Variants in CRISP1 observed in about 807,000 individuals in gnomAD.
CRISP1 encodes the protein cysteine rich secretory protein 1.
CRISP1 carries 44 observed loss-of-function variants against 33.1 expected under a neutral mutation model. The observed-to-expected ratio is 1.33, with a 90% CI of 1.05 to 1.71. The LOEUF is 1.71. Among genes scored for constraint, CRISP1 ranks in the 40% most tolerant of loss-of-function variants. The pLI is 0.00. For synonymous variants in CRISP1, 103 were observed against 98.7 expected (o/e 1.04, Z -0.26); for missense variants, 390 against 301.2 (o/e 1.29, Z -2.18).
chr6:49,874,719 C>T (rs1351668256), intron 1 of CRISP1, among the ~76,000 whole-genome samples: 2 of 151,994 alleles, frequency 1.3e-5, no homozygotes, highest in South Asian at 2.1e-4. Flanking sequence ...GATCAAGCTG[C>T]CTTCGTCTCC....
In CRISP1 at chr6:49,849,747, T is replaced by A. The variant is rs377120442; in HGVS notation, c.196-1448A>T. 8.5e-5 allele frequency among the ~76,000 whole-genome samples: 13 copies of A among 152,268 alleles called. No individual in the cohort carries two copies. The East Asian group carries it at 2.5e-3, about 29-fold the overall frequency. On this transcript the variant is annotated intron_variant, in intron 3 of 7. Coordinates refer to ENST00000335847, the MANE Select transcript of CRISP1 (RefSeq NM_001131.3). ...ATGTAGTTTAATTATAATATGTATT[T>A]GCTGCCATCTTGTGGTCAATGTTTA...
At chr6:49,868,066 G>A (rs1352514576), upstream of CRISP1, among the ~76,000 whole-genome samples, 1 of 152,048 alleles carries the variant, frequency 6.6e-6, no homozygotes, top group African/African-American at 2.4e-5. Context: ...TTATCTGTTG[G>A]TCCTGGCAAT....
At chr6:49,840,041 A>C (rs1162977438) in intron 6 of CRISP1, among the ~76,000 whole-genome samples, 2 of 152,228 alleles carry the variant, frequency 1.3e-5, no homozygotes, top group African/African-American at 4.8e-5. Context: ...GGAAAGACTT[A>C]TGTGTTAATC....
chr6:49,872,962 A>T (rs1171295311), intron 1 of CRISP1, among the ~76,000 whole-genome samples: 1 of 152,124 alleles, frequency 6.6e-6, no homozygotes, highest in South Asian at 2.1e-4. Flanking sequence ...CTTGATGGGG[A>T]TGGCATTGAA....
chr6:49,855,357 A>T (rs1771466116), intron 2 of CRISP1, among the ~76,000 whole-genome samples: 1 of 152,166 alleles, frequency 6.6e-6, no homozygotes, highest in Admixed American at 6.5e-5. Flanking sequence ...ACCATTCATA[A>T]AAAGAGGAAC....
Position 49,835,338 on chromosome 6 carries a change from A to T in CRISP1, c.728T>A (p.Leu243Gln). Residue 243 changes from leucine to glutamine, a missense_variant, in exon 8 of 8, where the codon CTG becomes CAG. Leu to Gln is a moderately radical substitution (Grantham distance 113). Transcript: ENST00000335847. Reference sequence around the variant, plus strand: ...GACCTATTTTATCTCAGTGTCACACAGACAAGTGGCTTTACAGAATAGGAT... The same window carrying T: ...GACCTATTTTATCTCAGTGTCACACTGACAAGTGGCTTTACAGAATAGGAT... ...TTILFCKATC[L>Q]CDTEIK 6.2e-7 allele frequency: 1 copy of T among 1,613,874 alleles called. No individual in the cohort carries two copies. The highest frequency in any genetic ancestry group is 1.7e-4 in the Middle Eastern group (1 of 6,058).
At chr6:49,846,060 C>T (rs921157541) in intron 5 of CRISP1, among the ~76,000 whole-genome samples, 2 of 152,062 alleles carry the variant, frequency 1.3e-5, no homozygotes, top group African/African-American at 4.8e-5. Context: ...CTGGCGATGG[C>T]GTTGCACAAC....
chr6:49,838,871 C>T (rs1770891769), intron 6 of CRISP1, among the ~76,000 whole-genome samples: 1 of 152,106 alleles, frequency 6.6e-6, no homozygotes, highest in Non-Finnish European at 1.5e-5. Flanking sequence ...GAACATTCTT[C>T]ATTAATACCT....
At chr6:49,855,460 A>G (rs968369842) in intron 2 of CRISP1, among the ~76,000 whole-genome samples, 7 of 141,740 alleles carry the variant, frequency 4.9e-5, no homozygotes, top group South Asian at 4.4e-4. Flanking sequence ...TTTTTTGGTT[A>G]TCTGAATGTG....
chr6:49,842,727 A>G (rs1463521647), intron 5 of CRISP1, among the ~76,000 whole-genome samples: 1 of 152,132 alleles, frequency 6.6e-6, no homozygotes, highest in Non-Finnish European at 1.5e-5. Context: ...TTAGAACATT[A>G]GGTGAAATGA....
In CRISP1 at chr6:49,857,409, G is replaced by T; in HGVS notation, c.-2-7C>A. ...AGGTGTTTAATTTCCATCCCTGAAA[G>T]AAAAATAACACAATTTTAGATTATT... On this transcript the variant is annotated splice_polypyrimidine_tract_variant and splice_region_variant and intron_variant, in intron 1 of 7. Coordinates refer to ENST00000335847, the MANE Select transcript of CRISP1 (RefSeq NM_001131.3). 6.2e-7 allele frequency: 1 copy of T among 1,610,650 alleles called. No homozygotes were observed. The highest frequency in any genetic ancestry group is 1.1e-5 in the South Asian group (1 of 90,940).
At chr6:49,865,650 A>C (rs1416817871) in intron 1 of CRISP1, among the ~76,000 whole-genome samples, 1 of 152,168 alleles carries the variant, frequency 6.6e-6, no homozygotes, top group Non-Finnish European at 1.5e-5. Flanking sequence ...AATAATTCAG[A>C]GAGTACAAAG....
Position 49,840,987 on chromosome 6 carries a change from CCAAA to C in CRISP1, c.440_443del (p.Val147GlyfsTer6), listed in dbSNP as rs1770968799. The stretch of plus-strand genomic sequence containing the variant: ...CACAGCCAATCAGGTAAGATGTGGC[CCAAA>C]CAATCTGCAATGATAAAGAGTTGTT... On this transcript the variant is annotated frameshift_variant, in exon 6 of 8. Transcript: ENST00000335847. LOFTEE classifies it high-confidence loss of function. The C allele has an allele frequency of 3.4e-5, 55 of 1,613,004 alleles. No individual in the cohort carries two copies. Among genetic ancestry groups the C allele is most frequent in the Non-Finnish European group, 4.6e-5 (54 of 1,179,368 alleles).
chr6:49,851,930 G>T lies in CRISP1; in HGVS notation c.195+71C>A, dbSNP rs937490216. The T allele has an allele frequency of 7.3e-6, 11 of 1,512,846 alleles. No individual in the cohort carries two copies. The East Asian group carries it at 2.3e-4, about 32-fold the overall frequency. The allele number at this position is 1,512,846 out of a possible 1,614,324, so 93.7% of individuals were successfully genotyped here. A position where few individuals can be genotyped will look rare whatever the true frequency, so the allele number is the denominator to read the frequency against. ...ACTTTTAGCACTTTGAAAGTGCATAGAACTTAATAAAACTCAGTAAACACC... is the reference window on the plus strand; with the variant it reads ...ACTTTTAGCACTTTGAAAGTGCATATAACTTAATAAAACTCAGTAAACACC... On this transcript the variant is annotated intron_variant, in intron 3 of 7. Coordinates refer to ENST00000335847, the MANE Select transcript of CRISP1 (RefSeq NM_001131.3).
At chr6:49,861,617 C>T (rs1412912335) in intron 1 of CRISP1, among the ~76,000 whole-genome samples, 1 of 152,130 alleles carries the variant, frequency 6.6e-6, no homozygotes, top group East Asian at 1.9e-4. Context: ...GGCACGGTAA[C>T]TCACGCCTGT....
chr6:49,866,833 A>G (rs764185331), upstream of CRISP1, among the ~76,000 whole-genome samples: 1 of 152,152 alleles, frequency 6.6e-6, no homozygotes, highest in Non-Finnish European at 1.5e-5. Flanking sequence ...TCTCAACTTT[A>G]TTAAATTCAT....
chr6:49,875,758 A>T (rs978750471), intron 1 of CRISP1, among the ~76,000 whole-genome samples: 8 of 152,166 alleles, frequency 5.3e-5, no homozygotes, highest in Admixed American at 4.6e-4. Context: ...ACCTACAACC[A>T]TCTGATCTTT....
intron 2 of CRISP1, 137 bp downstream of exon 2, chr6:49,857,198 C>T: frequency 1.4e-6 from 1 of 713,784 alleles, no homozygotes; most frequent in Non-Finnish European, 2.3e-6. Context: ...ACTTGCCTAA[C>T]AGGGCTATTG....
chr6:49,850,297 C>T (rs1300355553), intron 3 of CRISP1, among the ~76,000 whole-genome samples: 1 of 152,044 alleles, frequency 6.6e-6, no homozygotes, highest in Non-Finnish European at 1.5e-5. Flanking sequence ...TGGAACTTAT[C>T]TGGTTAAAAT....
Sources: allele counts gnomAD v4.1 joint callset (sites outside exome capture counted in the v4.1 genomes callset), GRCh38; gene constraint gnomAD v4.1.1; transcripts MANE v1.5; gene names NCBI Gene and HGNC (gene_info 2026-07-23, HGNC 2026-07-21).